Variants in FRMD3 observed in about 807,000 individuals in gnomAD.
FRMD3 encodes the protein FERM domain-containing protein 3.
FRMD3 carries 33 observed loss-of-function variants against 70.2 expected under a neutral mutation model. The observed-to-expected ratio is 0.47, with a 90% CI of 0.36 to 0.63. The LOEUF (loss-of-function observed/expected upper bound fraction) is 0.63, where lower values mean the gene tolerates loss of function less well. Ranked by LOEUF, FRMD3 falls within the 20% of genes least tolerant of loss-of-function variation. The pLI, the probability that FRMD3 is intolerant of heterozygous loss-of-function variation, is 0.00. For missense variants in FRMD3, 632 were observed against 711.4 expected (o/e 0.89, Z 1.27); for synonymous variants, 279 against 255.9 (o/e 1.09, Z -0.86).
the FRMD3 span, among the ~76,000 whole-genome samples, chr9:83,574,889 A>T: frequency 3.2e-4 from 48 of 152,298 alleles, no homozygotes; most frequent in Non-Finnish European, 5.0e-4. Context: ...AATAACAGAG[A>T]GTCCAGCTGT....
intron 3 of FRMD3, among the ~76,000 whole-genome samples, chr9:83,372,139 G>T (rs1824994630): frequency 6.6e-6 from 1 of 152,104 alleles, no homozygotes; most frequent in Non-Finnish European, 1.5e-5. Context: ...GGATTTGGGG[G>T]CAGGCAGTAA....
At chr9:83,394,831 T>C (rs3904187) in intron 1 of FRMD3, among the ~76,000 whole-genome samples, 116,592 of 152,064 alleles carry the variant, frequency 0.77, 45,021 homozygotes, top group African/African-American at 0.8. Flanking sequence ...AAACAGAAGA[T>C]GCCACTGTGT....
chr9:83,362,213 C>A (rs1319770408), intron 3 of FRMD3, among the ~76,000 whole-genome samples: 1 of 151,458 alleles, frequency 6.6e-6, no homozygotes. Context: ...CTCTCTCAAT[C>A]TCAATCTCAA....
chr9:83,423,585 C>CTTTTTTTTTTTTTTTTTT (rs869226126), intron 1 of FRMD3, among the ~76,000 whole-genome samples: 5 of 60,480 alleles, frequency 8.3e-5, no homozygotes, highest in African/African-American at 1.4e-4. Flanking sequence ...AGCCCTGTTT[C>CTTTTTTTTTTTTTTTTTT]TTTTTTTTTT....
chr9:83,426,062 A>G (rs2131368219), intron 1 of FRMD3, among the ~76,000 whole-genome samples: 1 of 152,216 alleles, frequency 6.6e-6, no homozygotes, highest in Non-Finnish European at 1.5e-5. Flanking sequence ...AAAATTCAGA[A>G]TCTGGGGCTA....
chr9:83,451,138 G>A (rs1827642556), intron 1 of FRMD3, among the ~76,000 whole-genome samples: 1 of 152,018 alleles, frequency 6.6e-6, no homozygotes, highest in African/African-American at 2.4e-5. Flanking sequence ...TTTTCATAAA[G>A]AGTTTTTAAA....
At chr9:83,440,916 G>A (rs551899210) in intron 1 of FRMD3, among the ~76,000 whole-genome samples, 16 of 152,330 alleles carry the variant, frequency 1.1e-4, no homozygotes, top group Admixed American at 5.9e-4. Flanking sequence ...GGCACAGGAC[G>A]GAATTGTGCT....
intron 5 of FRMD3, among the ~76,000 whole-genome samples, chr9:83,340,448 C>T (rs187094766): frequency 4.0e-4 from 61 of 152,266 alleles, no homozygotes; most frequent in African/African-American, 1.3e-3. Flanking sequence ...CAGGAGGGAG[C>T]TGCTTTAGCT....
At chr9:83,250,201 C>A (rs1293671139) in intron 13 of FRMD3, among the ~76,000 whole-genome samples, 4 of 152,034 alleles carry the variant, frequency 2.6e-5, no homozygotes. Flanking sequence ...GCAAAGGAGA[C>A]CCCACCCCGA....
Position 83,309,522 on chromosome 9 carries a change from T to C in FRMD3, c.926+14A>G, listed in dbSNP as rs1472399305. 2.0e-6 allele frequency: 3 copies of C among 1,520,788 alleles called. No individual in the cohort carries two copies. The highest frequency in any genetic ancestry group is 2.7e-6 in the Non-Finnish European group (3 of 1,117,126). The allele number at this position is 1,520,788 out of a possible 1,614,324, so 94.2% of individuals were successfully genotyped here. A position where few individuals can be genotyped will look rare whatever the true frequency, so the allele number is the denominator to read the frequency against. ...CTTTTAAAAGCTATAATTAAATGAA[T>C]AAAAGCCACTTACTTATAAAAGGCC... On this transcript the variant is annotated intron_variant, in intron 10 of 13. Transcript: ENST00000304195.
At chr9:83,399,607 G>GC (rs1026993695) in intron 1 of FRMD3, among the ~76,000 whole-genome samples, 1 of 152,128 alleles carries the variant, frequency 6.6e-6, no homozygotes, top group African/African-American at 2.4e-5. Flanking sequence ...AACAAAGTGA[G>GC]TTTTTTTCTT....
the FRMD3 span, among the ~76,000 whole-genome samples, chr9:83,578,872 T>G: frequency 6.6e-5 from 10 of 152,056 alleles, 1 homozygote; most frequent in South Asian, 2.1e-3. Context: ...AAGAAAAAAG[T>G]AAAATTTTCT....
At chr9:83,580,623 A>G in the FRMD3 span, among the ~76,000 whole-genome samples, 1 of 152,262 alleles carries the variant, frequency 6.6e-6, no homozygotes, top group East Asian at 1.9e-4. Flanking sequence ...ATGGGGATCA[A>G]GAGAATGAAC....
chr9:83,311,991 AAG>A lies in FRMD3; in HGVS notation c.685-18_685-17del. On this transcript the variant is annotated splice_polypyrimidine_tract_variant and intron_variant, in intron 7 of 13. Coordinates refer to ENST00000304195, the MANE Select transcript of FRMD3 (RefSeq NM_174938.6). The stretch of plus-strand genomic sequence containing the variant: ...CTGTTGAATCCTGAAAAAAAAAAAA[AAG>A]AAAAAAGAAAAATCTGTTTAGATTG... 2 of 1,530,182 alleles carry A rather than the reference AAG, an allele frequency of 1.3e-6. No homozygotes were observed. Among genetic ancestry groups the A allele is most frequent in the Non-Finnish European group, 1.8e-6 (2 of 1,130,198 alleles). 94.8% of individuals were successfully genotyped at this position (1,530,182 alleles called of 1,614,324 possible). A position where few individuals can be genotyped will look rare whatever the true frequency, so the allele number is the denominator to read the frequency against.
intron 1 of FRMD3, among the ~76,000 whole-genome samples, chr9:83,439,223 T>TA (rs1267820489): frequency 5.3e-5 from 8 of 152,238 alleles, no homozygotes; most frequent in African/African-American, 1.7e-4. Flanking sequence ...TTAATGTCCA[T>TA]AAATGGATAG....
At position 83,462,395 on chromosome 9, in the gene FRMD3, A is replaced by G. The variant is rs573146900; in HGVS notation, c.148-72687T>C. ...TGGGGGTCTTATCCTCTAGTCCTCAATGATTACAGCTAAGATGCCCATTTT... is the reference window on the plus strand; with the variant it reads ...TGGGGGTCTTATCCTCTAGTCCTCAGTGATTACAGCTAAGATGCCCATTTT... On this transcript the variant is annotated intron_variant, in intron 1 of 13. Transcript: ENST00000304195. Among the ~76,000 whole-genome samples, 4 of 152,308 alleles carry G rather than the reference A, an allele frequency of 2.6e-5. No homozygotes were observed. In the East Asian group the frequency reaches 7.7e-4, roughly 29 times the overall value.
At chr9:83,483,646 A>G (rs1828620192) in intron 1 of FRMD3, among the ~76,000 whole-genome samples, 1 of 152,124 alleles carries the variant, frequency 6.6e-6, no homozygotes, top group South Asian at 2.1e-4. Context: ...ATCGCTTGAG[A>G]CCAGGAGTTT....
At chr9:83,553,396 C>A in the FRMD3 span, among the ~76,000 whole-genome samples, 2 of 152,226 alleles carry the variant, frequency 1.3e-5, no homozygotes, top group Non-Finnish European at 2.9e-5. Flanking sequence ...TCTCTAGCTG[C>A]CTTTAACATT....
rs796561926 is a variant in FRMD3 at position 83,516,672 on chromosome 9, C to T, written c.147+21413G>A. Reference sequence around the variant, plus strand: ...ACCCCAAAACAACAGAATATACATTCTTCTCAGCACCACATAGCACTTATT... The same window carrying T: ...ACCCCAAAACAACAGAATATACATTTTTCTCAGCACCACATAGCACTTATT... On this transcript the variant is annotated intron_variant, in intron 1 of 13. Coordinates refer to ENST00000304195, the MANE Select transcript of FRMD3 (RefSeq NM_174938.6). Among the ~76,000 whole-genome samples the T allele has an allele frequency of 2.7e-4, 41 of 152,302 alleles. 1 individual carries two copies. The highest frequency in any genetic ancestry group is 9.4e-4 in the African/African-American group (39 of 41,574).
Sources: allele counts gnomAD v4.1 joint callset (sites outside exome capture counted in the v4.1 genomes callset), GRCh38; gene constraint gnomAD v4.1.1; transcripts MANE v1.5; gene names NCBI Gene and HGNC (gene_info 2026-07-23, HGNC 2026-07-21).